Variants in CFAP61 observed in about 807,000 individuals in gnomAD.
The protein encoded by CFAP61 is cilia and flagella associated protein 61, also known as cilia- and flagella-associated protein 61.
CFAP61 carries 107 observed loss-of-function variants against 135.6 expected under a neutral mutation model. That is an observed-to-expected ratio of 0.79 (90% CI 0.67 to 0.93). The LOEUF (loss-of-function observed/expected upper bound fraction) is 0.93. Among genes scored for constraint, CFAP61 ranks in the 40% least tolerant of loss-of-function variants. CFAP61 has a pLI of 0.00. For missense variants in CFAP61, 1,507 were observed against 1,556.2 expected (o/e 0.97, Z 0.53); for synonymous variants, 575 against 578.5 (o/e 0.99, Z 0.09).
chr20:20,335,291 TAAGAA>T (rs1401353867), intron 25 of CFAP61, among the ~76,000 whole-genome samples: 1 of 152,232 alleles, frequency 6.6e-6, no homozygotes, highest in Non-Finnish European at 1.5e-5. Context: ...TTCATAAATT[TAAGAA>T]AAGATTTTTG....
intron 13 of CFAP61, among the ~76,000 whole-genome samples, chr20:20,176,780 C>A (rs2054662537): frequency 6.6e-6 from 1 of 152,220 alleles, no homozygotes; most frequent in Non-Finnish European, 1.5e-5. Context: ...GGCTTAATAC[C>A]TAGGTGATGG....
At chr20:20,198,511 G>C (rs2056435078) in intron 16 of CFAP61, among the ~76,000 whole-genome samples, 1 of 152,172 alleles carries the variant, frequency 6.6e-6, no homozygotes, top group African/African-American at 2.4e-5. Flanking sequence ...TGCCCTTCCA[G>C]TTGATTTCAC....
chr20:20,352,899 G>T (rs777751679), intron 26 of CFAP61, among the ~76,000 whole-genome samples: 4 of 152,112 alleles, frequency 2.6e-5, no homozygotes, highest in Non-Finnish European at 5.9e-5. Context: ...TGAAGAGACA[G>T]CCCACAGACT....
intron 9 of CFAP61, among the ~76,000 whole-genome samples, chr20:20,158,725 G>T (rs1328882588): frequency 1.3e-5 from 2 of 152,194 alleles, no homozygotes; most frequent in Non-Finnish European, 2.9e-5. Flanking sequence ...ATCAGTATTT[G>T]CCTGTGGTTG....
intron 24 of CFAP61, among the ~76,000 whole-genome samples, chr20:20,292,288 G>C (rs1370401212): frequency 1.3e-5 from 2 of 152,192 alleles, no homozygotes; most frequent in African/African-American, 2.4e-5. Flanking sequence ...ATGAAACCCA[G>C]TTCTTCCAGG....
rs2059424971 is a variant in CFAP61, at chr20:20,360,208, A to G, written c.3514-2A>G. ...TATCTGGCCTCTTACTGTGTTTTAC[A>G]GGAGGAAGATCTTCCTTCCATAGAG... On this transcript the variant is annotated splice_acceptor_variant, in intron 26 of 26. Transcript: ENST00000245957. LOFTEE classifies it high-confidence loss of function. 3 of 1,610,672 alleles carry G rather than the reference A, an allele frequency of 1.9e-6. No homozygotes were observed. Among genetic ancestry groups the G allele is most frequent in the African/African-American group, 1.3e-5 (1 of 74,858 alleles).
chr20:20,271,911 C>T (rs927954238), intron 21 of CFAP61, among the ~76,000 whole-genome samples: 1 of 152,176 alleles, frequency 6.6e-6, no homozygotes, highest in South Asian at 2.1e-4. Context: ...AACTGATATC[C>T]AGGGGAAATC....
chr20:20,158,158 G>A (rs1444267047), intron 9 of CFAP61, among the ~76,000 whole-genome samples: 1 of 146,730 alleles, frequency 6.8e-6, no homozygotes, highest in Non-Finnish European at 1.5e-5. Context: ...GAGTTAGTGG[G>A]TGCAGCGCAC....
chr20:20,349,211 G>A (rs1474586700), intron 26 of CFAP61, among the ~76,000 whole-genome samples: 2 of 152,164 alleles, frequency 1.3e-5, no homozygotes, highest in Non-Finnish European at 2.9e-5. Flanking sequence ...TGCTTTAGAA[G>A]AACACCTGAG....
chr20:20,153,535 T>C lies in CFAP61; in HGVS notation c.952-5835T>C, dbSNP rs561119722. Among the ~76,000 whole-genome samples, 9 of 152,186 alleles carry C rather than the reference T, an allele frequency of 5.9e-5. No individual in the cohort carries two copies. The South Asian group carries it at 1.9e-3, about 32-fold the overall frequency. ...CCTCAATTAGAAATGAAATTTCTAATTGATATTACAACCAATACCACAGCA... is the reference window on the plus strand; with the variant it reads ...CCTCAATTAGAAATGAAATTTCTAACTGATATTACAACCAATACCACAGCA... On this transcript the variant is annotated intron_variant, in intron 9 of 26. Coordinates refer to ENST00000245957, the MANE Select transcript of CFAP61 (RefSeq NM_015585.4).
intron 13 of CFAP61, among the ~76,000 whole-genome samples, chr20:20,180,139 C>A (rs2054944133): frequency 6.6e-6 from 1 of 152,056 alleles, no homozygotes; most frequent in African/African-American, 2.4e-5. Context: ...GGTCTAATAT[C>A]CAGCATCTAT....
intron 13 of CFAP61, among the ~76,000 whole-genome samples, chr20:20,174,172 C>G (rs1481964617): frequency 6.6e-6 from 1 of 152,168 alleles, no homozygotes; most frequent in Non-Finnish European, 1.5e-5. Flanking sequence ...AGAAGCTGAA[C>G]TAGTTTTTGT....
rs1396478461 is a variant in CFAP61, at chr20:20,322,753, A to AG, written c.3423-19075dup. ...TCTCGAGAACAGAAGAGATCATTAG[A>AG]GGGTCCTCGTGTTGCCTAGCAACCT... On this transcript the variant is annotated intron_variant, in intron 25 of 26. Coordinates refer to ENST00000245957, the MANE Select transcript of CFAP61 (RefSeq NM_015585.4). The AG allele has an allele frequency of 1.1e-5, 11 of 985,208 alleles. No individual in the cohort carries two copies. The East Asian group carries it at 9.1e-4, about 81-fold the overall frequency. 61.0% of individuals were successfully genotyped at this position (985,208 alleles called of 1,614,324 possible). A position where few individuals can be genotyped will look rare whatever the true frequency, so the allele number is the denominator to read the frequency against.
At chr20:20,116,574 T>G (rs1302916161) in intron 8 of CFAP61, among the ~76,000 whole-genome samples, 2 of 152,168 alleles carry the variant, frequency 1.3e-5, no homozygotes, top group Non-Finnish European at 2.9e-5. Flanking sequence ...GGTCTTAGAT[T>G]TAAGATTTTC....
intron 8 of CFAP61, among the ~76,000 whole-genome samples, chr20:20,118,795 G>C (rs2146688568): frequency 6.6e-6 from 1 of 151,726 alleles, no homozygotes; most frequent in South Asian, 2.1e-4. Context: ...TTATTGATTT[G>C]TGTACATTGA....
At chr20:20,127,953 G>C (rs1463186182) in intron 8 of CFAP61, among the ~76,000 whole-genome samples, 1 of 151,544 alleles carries the variant, frequency 6.6e-6, no homozygotes, top group African/African-American at 2.4e-5. Context: ...GAGTCATGCA[G>C]GTTGTCAGGG....
rs750538984 is a variant in CFAP61, at chr20:20,056,696, C to T, written c.43C>T (p.His15Tyr). ...TSPRGKVEVV[H>Y]CRRTESQDVY... ...TCCAAGAGGAAAGGTAGAAGTTGTT[C>T]ATTGCCGAAGAACAGAATCACAGGA... Residue 15 changes from histidine (H) to tyrosine (Y), a missense_variant, in exon 2 of 27, where the codon CAT (histidine) becomes TAT (tyrosine). Coordinates refer to ENST00000245957, the MANE Select transcript of CFAP61 (RefSeq NM_015585.4). 3 of 1,613,996 alleles carry T rather than the reference C, an allele frequency of 1.9e-6. No homozygotes were observed. The highest frequency in any genetic ancestry group is 2.7e-5 in the African/African-American group (2 of 74,922).
intron 24 of CFAP61, among the ~76,000 whole-genome samples, chr20:20,293,201 G>A (rs1044491609): frequency 5.3e-5 from 8 of 152,154 alleles, no homozygotes; most frequent in Non-Finnish European, 7.3e-5. Flanking sequence ...TCCTACATGC[G>A]GCATCGTTTA....
At position 20,263,037 on chromosome 20, in the gene CFAP61, G is replaced by A. The variant is rs2052396227; in HGVS notation, c.2410G>A (p.Gly804Arg). ...VPNSSQRRYT[G>R]KVPCNHFTLN... ...CAACAGCAGTCAGCGGCGGTACACGGGGAAAGTTCCTTGCAACCATTTCAC... is the reference window on the plus strand; with the variant it reads ...CAACAGCAGTCAGCGGCGGTACACGAGGAAAGTTCCTTGCAACCATTTCAC... Residue 804 changes from glycine (G) to arginine (R), a missense_variant, in exon 21 of 27, where the codon GGG becomes AGG. Gly to Arg is a moderately radical substitution (Grantham distance 125). Transcript: ENST00000245957. 6.2e-7 allele frequency: 1 copy of A among 1,613,952 alleles called. No homozygotes were observed. Among genetic ancestry groups the A allele is most frequent in the African/African-American group, 1.3e-5 (1 of 74,992 alleles).
Sources: gnomAD v4.1 joint callset for allele counts (sites outside exome capture counted in the v4.1 genomes callset) on GRCh38, gnomAD v4.1.1 for gene constraint, MANE v1.5 for transcripts, NCBI Gene and HGNC (gene_info 2026-07-23, HGNC 2026-07-21) for gene names.